The following GRIA1 variants were observed in gnomAD, a reference collection of about 807,000 sequenced individuals.
GRIA1 encodes glutamate receptor 1.
Under a neutral mutation model 99.2 loss-of-function variants are expected in GRIA1, and 31 were observed. The observed-to-expected ratio is 0.31, with a 90% CI of 0.23 to 0.42. GRIA1 has a LOEUF of 0.42. Ranked by LOEUF, GRIA1 falls within the 10% of genes least tolerant of loss-of-function variation. The probability of loss-of-function intolerance (pLI) is 1.00; values close to 1 mark genes in which losing one functional copy is unlikely to be tolerated. For missense variants in GRIA1, 782 were observed against 1,157.5 expected (o/e 0.68, Z 4.71); for synonymous variants, 438 against 432.4 (o/e 1.01, Z -0.16).
At position 153,546,569 on chromosome 5, in the gene GRIA1, GT is replaced by G. The variant is rs145099990; in HGVS notation, c.220+52506del. Among the ~76,000 whole-genome samples the G allele has an allele frequency of 3.7e-3, 560 of 152,264 alleles. 2 individuals are homozygous for G. Among genetic ancestry groups the G allele is most frequent in the African/African-American group, 0.013 (540 of 41,552 alleles). ...CAGGGCTCCACAAGCATCATCTCAA[GT>G]TGTTCCAACAGTCATGGGAAGCAGG... On this transcript the variant is annotated intron_variant, in intron 2 of 15. Coordinates refer to ENST00000285900, the MANE Select transcript of GRIA1 (RefSeq NM_000827.4).
At chr5:153,619,139 C>T (rs1766790089) in intron 2 of GRIA1, among the ~76,000 whole-genome samples, 1 of 152,112 alleles carries the variant, frequency 6.6e-6, no homozygotes, top group African/African-American at 2.4e-5. Context: ...TTGGTTTAAA[C>T]AGTTTTTTCC....
chr5:153,766,574 A>T (rs532744927), intron 12 of GRIA1, among the ~76,000 whole-genome samples: 1 of 152,278 alleles, frequency 6.6e-6, no homozygotes, highest in East Asian at 1.9e-4. Context: ...AATTCTTTTG[A>T]TGCAAGTGTC....
intron 11 of GRIA1, among the ~76,000 whole-genome samples, chr5:153,743,236 G>C (rs1342427876): frequency 6.6e-6 from 1 of 152,192 alleles, no homozygotes; most frequent in Non-Finnish European, 1.5e-5. Flanking sequence ...ATTGTATAAT[G>C]ATTGTCAGTC....
At chr5:153,614,029 G>T (rs2910268) in intron 2 of GRIA1, among the ~76,000 whole-genome samples, 17,671 of 152,114 alleles carry the variant, frequency 0.12, 1,167 homozygotes, top group Non-Finnish European at 0.15. Flanking sequence ...CTTCACACCT[G>T]CTTCTCTCGC....
chr5:153,726,284 T>A (rs201146844), intron 11 of GRIA1, among the ~76,000 whole-genome samples: 82,952 of 141,162 alleles, frequency 0.59, 25,281 homozygotes, highest in East Asian at 0.94. Flanking sequence ...CACAAGAGAA[T>A]GCAGGAAAGA....
intron 11 of GRIA1, among the ~76,000 whole-genome samples, chr5:153,747,870 T>C (rs1484977246): frequency 1.3e-5 from 2 of 152,228 alleles, no homozygotes; most frequent in Non-Finnish European, 2.9e-5. Context: ...GTTGTTTCTG[T>C]GTGGGTCACA....
chr5:153,802,438 T>A lies in GRIA1; in HGVS notation c.2468T>A (p.Val823Asp). ...LIGGLGLAML[V>D]ALIEFCYKSR... is the part of the protein sequence containing the mutation. ...GGAGGACTTGGACTAGCCATGCTGGTTGCCTTAATCGAGTTCTGCTACAAA... is the reference window on the plus strand; with the variant it reads ...GGAGGACTTGGACTAGCCATGCTGGATGCCTTAATCGAGTTCTGCTACAAA... The change falls in exon 15 of 16, where the codon GTT (valine) becomes GAT (aspartate). Residue 823 changes from valine (V) to aspartate (D), a missense_variant. Around this residue, in one of 5 missense-constraint regions of GRIA1, gnomAD observed 119 missense variants for 326.6 expected, o/e 0.36. Coordinates refer to ENST00000285900, the MANE Select transcript of GRIA1 (RefSeq NM_000827.4). 6.2e-7 allele frequency: 1 copy of A among 1,613,994 alleles called. No individual in the cohort carries two copies. The highest frequency in any genetic ancestry group is 8.5e-7 in the Non-Finnish European group (1 of 1,179,916).
intron 1 of GRIA1, 114 bp from the exon 2 acceptor site, chr5:153,493,814 C>A: frequency 9.7e-7 from 1 of 1,029,262 alleles, no homozygotes; most frequent in Non-Finnish European, 1.5e-6. Context: ...CCACTCAAGG[C>A]TACAGCTAGT....
At chr5:153,707,325 G>A (rs1171791846) in intron 11 of GRIA1, among the ~76,000 whole-genome samples, 1 of 152,084 alleles carries the variant, frequency 6.6e-6, no homozygotes, top group African/African-American at 2.4e-5. Flanking sequence ...GAGAAAGGGT[G>A]GACAGGAGAT....
intron 2 of GRIA1, among the ~76,000 whole-genome samples, chr5:153,631,487 G>T (rs910139499): frequency 6.6e-6 from 1 of 152,196 alleles, no homozygotes; most frequent in African/African-American, 2.4e-5. Context: ...AAATATGAGT[G>T]CAAAAGAAAG....
intron 15 of GRIA1, among the ~76,000 whole-genome samples, chr5:153,808,454 A>T (rs1766590261): frequency 6.6e-6 from 1 of 152,212 alleles, no homozygotes. Context: ...ACTAGGTCAC[A>T]TATAACTGTT....
intron 2 of GRIA1, among the ~76,000 whole-genome samples, chr5:153,585,723 G>A (rs918980870): frequency 6.6e-6 from 1 of 152,122 alleles, no homozygotes; most frequent in Non-Finnish European, 1.5e-5. Context: ...ATGCTGACTA[G>A]ATTCCTCTTC....
intron 2 of GRIA1, among the ~76,000 whole-genome samples, chr5:153,600,500 C>G (rs1581303466): frequency 6.7e-6 from 1 of 150,172 alleles, no homozygotes; most frequent in South Asian, 2.1e-4. Flanking sequence ...AAAGAAATAG[C>G]GCTTTTCCAC....
rs141068452 is a variant in GRIA1 at position 153,779,134 on chromosome 5, G to T, written c.2270+8719G>T. ...ATTCGTTTTATACCAATGATGTGCT[G>T]GGCAATGCATTCAGTGCCCTGTGAT... On this transcript the variant is annotated intron_variant, in intron 13 of 15. Transcript: ENST00000285900. Among the ~76,000 whole-genome samples the T allele has an allele frequency of 2.6e-3, 396 of 152,214 alleles. 2 individuals are homozygous for T. Among genetic ancestry groups the T allele is most frequent in the African/African-American group, 7.3e-3 (304 of 41,528 alleles).
At chr5:153,630,466 CT>C (rs1413360029) in intron 2 of GRIA1, among the ~76,000 whole-genome samples, 1 of 152,190 alleles carries the variant, frequency 6.6e-6, no homozygotes, top group African/African-American at 2.4e-5. Context: ...GCTACTTTCC[CT>C]GTGGCCCTCA....
chr5:153,677,159 C>G lies in GRIA1; in HGVS notation c.1027C>G (p.Gln343Glu). ...QGIDIQRALQ[Q>E]VRFEGLTGNV... ...GATCGACATCCAGAGAGCTCTGCAG[C>G]AGGTAAGACCACCAATGTTTGCCCC... is the stretch of plus-strand genomic sequence containing the variant. The change falls in exon 7 of 16, where the codon CAG becomes GAG. Residue 343 changes from glutamine to glutamate, a missense_variant and splice_region_variant. Physicochemically the swap from Gln to Glu is conservative, Grantham distance 29. Transcript: ENST00000285900. 1 of 1,467,054 alleles carries G rather than the reference C, an allele frequency of 6.8e-7. No homozygotes were observed. The highest frequency in any genetic ancestry group is 9.1e-7 in the Non-Finnish European group (1 of 1,096,082). The allele number at this position is 1,467,054 out of a possible 1,614,324, so 90.9% of individuals were successfully genotyped here. A position where few individuals can be genotyped will look rare whatever the true frequency, so the allele number is the denominator to read the frequency against.
At chr5:153,547,739 C>G (rs1008390746) in intron 2 of GRIA1, among the ~76,000 whole-genome samples, 20 of 152,084 alleles carry the variant, frequency 1.3e-4, no homozygotes, top group Admixed American at 1.2e-3. Flanking sequence ...TTATGTGGCT[C>G]CATGTAGCAG....
chr5:153,626,561 G>A (rs1252837647), intron 2 of GRIA1, among the ~76,000 whole-genome samples: 2 of 151,892 alleles, frequency 1.3e-5, no homozygotes, highest in African/African-American at 4.8e-5. Context: ...GCATTTGAAA[G>A]AAAGTATAGA....
chr5:153,536,209 T>C (rs1758556946), intron 2 of GRIA1, among the ~76,000 whole-genome samples: 1 of 152,204 alleles, frequency 6.6e-6, no homozygotes, highest in South Asian at 2.1e-4. Flanking sequence ...CTCCTGTTTC[T>C]GCCCTCTGAC....
Sources: allele counts gnomAD v4.1 joint callset (sites outside exome capture counted in the v4.1 genomes callset), GRCh38; gene constraint gnomAD v4.1.1; regional missense constraint gnomAD v4.1.1; transcripts MANE v1.5; gene names NCBI Gene and HGNC (gene_info 2026-07-23, HGNC 2026-07-21).